Variants in CASD1 observed in about 807,000 individuals in gnomAD.
CASD1 encodes N-acetylneuraminate (7)9-O-acetyltransferase.
Under a neutral mutation model 100.0 loss-of-function variants are expected in CASD1, and 41 were observed. That is an observed-to-expected ratio of 0.41 (90% CI 0.32 to 0.53). The LOEUF (loss-of-function observed/expected upper bound fraction) is 0.53. Among genes scored for constraint, CASD1 ranks in the 20% least tolerant of loss-of-function variants. The pLI, the probability that CASD1 is intolerant of heterozygous loss-of-function variation, is 0.25. For synonymous variants in CASD1, 321 were observed against 315.6 expected (o/e 1.02, Z -0.18); for missense variants, 774 against 948.7 (o/e 0.82, Z 2.42).
the CASD1 span, chr7:94,599,844 C>G: frequency 1.3e-6 from 1 of 783,186 alleles, no homozygotes; most frequent in Non-Finnish European, 2.2e-6. Flanking sequence ...TTAAATGCAA[C>G]CAGGCAGCAT....
At chr7:94,547,505 T>G (rs1795737350) in intron 13 of CASD1, among the ~76,000 whole-genome samples, 2 of 151,916 alleles carry the variant, frequency 1.3e-5, no homozygotes, top group Non-Finnish European at 2.9e-5. Context: ...TGACAGAATT[T>G]GCAGCTAGTT....
At chr7:94,549,830 A>C (rs990644993) in intron 14 of CASD1, among the ~76,000 whole-genome samples, 196 bp downstream of exon 14, 2 of 152,004 alleles carry the variant, frequency 1.3e-5, no homozygotes, top group Admixed American at 6.6e-5. Flanking sequence ...GTATATATAT[A>C]TCTGCTGGGA....
chr7:94,535,657 A>G (rs996420872), intron 8 of CASD1, 134 bp downstream of exon 8: 1 of 654,532 alleles, frequency 1.5e-6, no homozygotes, highest in African/African-American at 1.8e-5. Context: ...GTGTATAAAG[A>G]TACATCTAGA....
the CASD1 span, chr7:94,618,804 C>T: frequency 6.2e-7 from 1 of 1,614,062 alleles, no homozygotes. Context: ...CCACCCCTGT[C>T]TAGGGCCGAT....
chr7:94,576,240 T>C, the CASD1 span, among the ~76,000 whole-genome samples: 1 of 152,224 alleles, frequency 6.6e-6, no homozygotes, highest in Non-Finnish European at 1.5e-5. Context: ...TTGCTGATTC[T>C]TTCTGCTGCC....
intron 1 of CASD1, among the ~76,000 whole-genome samples, chr7:94,510,696 T>A (rs1793659381): frequency 6.6e-6 from 1 of 152,180 alleles, no homozygotes; most frequent in African/African-American, 2.4e-5. Context: ...TAGCCTTTGT[T>A]TAATTTTGCC....
Position 94,535,511 on chromosome 7 carries a change from G to A in CASD1, c.831G>A (p.Ser277=), listed in dbSNP as rs78922839. The change falls in exon 8 of 18, where the codon TCG becomes TCA. Residue 277 remains serine (S), a synonymous_variant. Coordinates refer to ENST00000297273, the MANE Select transcript of CASD1 (RefSeq NM_022900.5). ...ESLDGLHLPE[S]SRETTAMILM... Reference sequence around the variant, plus strand: ...TGGATGGCTTACATCTTCCTGAATCGAGCAGAGAAACTGTGAGAAATTTTT... The same window carrying A: ...TGGATGGCTTACATCTTCCTGAATCAAGCAGAGAAACTGTGAGAAATTTTT... 1.1e-4 allele frequency: 180 copies of A among 1,612,960 alleles called. No individual in the cohort carries two copies. In the East Asian group the frequency reaches 3.3e-3, roughly 29 times the overall value.
At chr7:94,547,040 A>G in intron 12 of CASD1, 56 bp from the exon 13 acceptor site, 1 of 1,071,678 alleles carries the variant, frequency 9.3e-7, no homozygotes, top group Non-Finnish European at 1.4e-6. Context: ...GAGAGTATTT[A>G]ATATGTTGTC....
At chr7:94,560,164 G>T (rs1047434396), downstream of CASD1, among the ~76,000 whole-genome samples, 4 of 152,176 alleles carry the variant, frequency 2.6e-5, no homozygotes, top group African/African-American at 9.7e-5. Flanking sequence ...TAGACGGAAT[G>T]AATATGCCTT....
At chr7:94,515,888 A>G (rs1447096690) in intron 1 of CASD1, among the ~76,000 whole-genome samples, 2 of 152,164 alleles carry the variant, frequency 1.3e-5, no homozygotes, top group Non-Finnish European at 2.9e-5. Flanking sequence ...TGCTATAAAT[A>G]TGGAATTTTC....
the CASD1 span, among the ~76,000 whole-genome samples, chr7:94,564,611 G>A: frequency 6.6e-6 from 1 of 152,156 alleles, no homozygotes; most frequent in South Asian, 2.1e-4. Flanking sequence ...TAAAGTAGTA[G>A]TAAATGGGGT....
chr7:94,609,524 T>G, the CASD1 span, among the ~76,000 whole-genome samples: 10 of 152,260 alleles, frequency 6.6e-5, no homozygotes, highest in African/African-American at 1.9e-4. Context: ...ACAGTAAGAC[T>G]CTGTCTAAAA....
chr7:94,602,379 G>A, the CASD1 span, among the ~76,000 whole-genome samples: 1 of 152,160 alleles, frequency 6.6e-6, no homozygotes, highest in Non-Finnish European at 1.5e-5. Flanking sequence ...GCTAAGTGTT[G>A]CAATGTGAGT....
chr7:94,552,239 C>T, intron 15 of CASD1, 111 bp from the exon 16 acceptor site: 1 of 726,180 alleles, frequency 1.4e-6, no homozygotes, highest in Non-Finnish European at 2.3e-6. Context: ...TTTTACATAG[C>T]ATAATGAAGT....
At chr7:94,531,663 T>G (rs1431698898) in intron 5 of CASD1, among the ~76,000 whole-genome samples, 2 of 152,192 alleles carry the variant, frequency 1.3e-5, no homozygotes, top group East Asian at 3.8e-4. Context: ...GGATTTATTT[T>G]GTTATTTTTC....
chr7:94,560,854 T>G (rs538634041), downstream of CASD1, among the ~76,000 whole-genome samples: 18 of 152,164 alleles, frequency 1.2e-4, no homozygotes, highest in Non-Finnish European at 2.6e-4. Context: ...AAATAAACAG[T>G]AGAAAATGTA....
chr7:94,518,115 G>T (rs1794070135), intron 2 of CASD1, 88 bp from the exon 3 acceptor site: 2 of 1,290,814 alleles, frequency 1.5e-6, no homozygotes, highest in Non-Finnish European at 2.1e-6. Context: ...TAACAATCTG[G>T]ATCAACTTTC....
At chr7:94,534,033 A>G (rs1010794972) in intron 7 of CASD1, among the ~76,000 whole-genome samples, 3 of 152,164 alleles carry the variant, frequency 2.0e-5, no homozygotes, top group Admixed American at 6.5e-5. Context: ...CCTCATGGCT[A>G]TAGAATGTAT....
Position 94,554,557 on chromosome 7 carries a change from T to C in CASD1, c.2109T>C (p.Phe703=). ...RSVYSSFFAW[F]GKISLELFIC... is the part of the protein sequence containing the mutation. Reference sequence around the variant, plus strand: ...TTTACAGTTCATTTTTTGCTTGGTTTGGAAAAATTTCATTAGAGGTTGGTA... The same window carrying C: ...TTTACAGTTCATTTTTTGCTTGGTTCGGAAAAATTTCATTAGAGGTTGGTA... The change falls in exon 17 of 18, where the codon TTT becomes TTC. Residue 703 remains phenylalanine (F), a synonymous_variant. Transcript: ENST00000297273. 6.2e-7 allele frequency: 1 copy of C among 1,610,056 alleles called. No homozygotes were observed. Among genetic ancestry groups the C allele is most frequent in the Non-Finnish European group, 8.5e-7 (1 of 1,176,878 alleles).
Sources: allele counts gnomAD v4.1 joint callset (sites outside exome capture counted in the v4.1 genomes callset), GRCh38; gene constraint gnomAD v4.1.1; transcripts MANE v1.5; gene names NCBI Gene and HGNC (gene_info 2026-07-23, HGNC 2026-07-21).